PPOX: variants seen among roughly 807,000 people sequenced by gnomAD.
The protein encoded by PPOX is protoporphyrinogen oxidase, also known as variegate porphyria.
A neutral mutation model predicts 54.1 loss-of-function variants in PPOX; 23 were observed. The ratio of observed to expected loss-of-function variants is 0.43; its 90% CI spans 0.31 to 0.60. PPOX has a LOEUF of 0.60. Ranked by LOEUF, PPOX falls within the 20% of genes least tolerant of loss-of-function variation. The probability of loss-of-function intolerance (pLI) is 0.13; values close to 1 mark genes in which losing one functional copy is unlikely to be tolerated. For synonymous variants in PPOX, 224 were observed against 236.1 expected (o/e 0.95, Z 0.47); for missense variants, 512 against 601.1 (o/e 0.85, Z 1.55).
chr1:161,169,401 T>C (rs1660321137), intron 7 of PPOX: 1 of 702,596 alleles, frequency 1.4e-6, no homozygotes, highest in South Asian at 1.8e-5. Context: ...TATAAGTGGC[T>C]TAGAGATAGG....
chr1:161,174,416 A>AG (rs1487824672), downstream of PPOX, among the ~76,000 whole-genome samples: 3 of 151,990 alleles, frequency 2.0e-5, no homozygotes, highest in East Asian at 5.8e-4. Flanking sequence ...AAAAAAAAAA[A>AG]AGAAAAAAAA....
At chr1:161,171,649 A>T, downstream of PPOX, 1 of 940,554 alleles carries the variant, frequency 1.1e-6, no homozygotes, top group Non-Finnish European at 1.6e-6. Context: ...CCTCAGGTCT[A>T]CAGGAGCCCA....
At chr1:161,167,859 G>T (rs1036430099) in intron 4 of PPOX, 136 bp from the exon 5 acceptor site, 7 of 1,437,330 alleles carry the variant, frequency 4.9e-6, no homozygotes, top group East Asian at 2.3e-5. Flanking sequence ...CACCACGCCC[G>T]ACCTGCCTTC....
downstream of PPOX, among the ~76,000 whole-genome samples, chr1:161,174,393 G>C (rs750639917): frequency 2.7e-5 from 4 of 147,618 alleles, no homozygotes; most frequent in African/African-American, 1.0e-4. Flanking sequence ...GGGGGACAGA[G>C]TGAGATCTCA....
At chr1:161,173,188 C>G (rs907128424), downstream of PPOX, among the ~76,000 whole-genome samples, 4 of 152,152 alleles carry the variant, frequency 2.6e-5, no homozygotes, top group Admixed American at 6.5e-5. Flanking sequence ...GTTTCACATG[C>G]TAAAAATGAG....
downstream of PPOX, among the ~76,000 whole-genome samples, chr1:161,174,402 C>CAAAAAAAAAA (rs554703903): frequency 1.8e-5 from 1 of 55,780 alleles, no homozygotes. Context: ...AGTGAGATCT[C>CAAAAAAAAAA]AAAAAAAAAA....
upstream of PPOX, chr1:161,166,323 G>T: frequency 9.7e-7 from 1 of 1,028,736 alleles, no homozygotes; most frequent in African/African-American, 1.7e-5. Flanking sequence ...CTCCGCCTCT[G>T]CCAGTTCAAT....
chr1:161,168,563 G>C lies in PPOX; in HGVS notation c.603G>C (p.Leu201=), dbSNP rs183008486. 3.7e-6 allele frequency: 6 copies of C among 1,614,146 alleles called. No homozygotes were observed. The African/African-American group carries it at 8.0e-5, about 22-fold the overall frequency. The change falls in exon 6 of 13, where the codon CTG becomes CTC. Residue 201 remains leucine (L), a synonymous_variant. Transcript: ENST00000367999. ...CCCATCGTTCCATATTACTGGGCCT[G>C]CTGCTGGGGGCAGGTGAGGGGGGAT... is the stretch of plus-strand genomic sequence containing the variant. ...EQTHRSILLG[L]LLGAGRTPQP... is the part of the protein sequence containing the mutation.
At chr1:161,167,917 G>A in intron 4 of PPOX, 78 bp from the exon 5 acceptor site, 2 of 1,607,198 alleles carry the variant, frequency 1.2e-6, no homozygotes, top group Non-Finnish European at 8.5e-7. Context: ...GAAGCCAAAT[G>A]AGTGGAAATG....
chr1:161,172,022 A>C, downstream of PPOX: 1 of 1,614,208 alleles, frequency 6.2e-7, no homozygotes, highest in Non-Finnish European at 8.5e-7. Context: ...CGAGCCAGCA[A>C]CTGGTATGTC....
chr1:161,168,468 G>A lies in PPOX; in HGVS notation c.508G>A (p.Val170Met). The A allele has an allele frequency of 1.9e-6, 3 of 1,614,192 alleles. No homozygotes were observed. Among genetic ancestry groups the A allele is most frequent in the South Asian group, 1.1e-5 (1 of 91,084 alleles). Residue 170 changes from valine to methionine, a missense_variant, in exon 6 of 13, where the codon GTG becomes ATG. Coordinates refer to ENST00000367999, the MANE Select transcript of PPOX (RefSeq NM_001122764.3). ...SLAMDSLCRG[V>M]FAGNSRELSI... ...AGCCATGGACAGTCTCTGCCGTGGA[G>A]TGTTTGCAGGCAACAGCCGTGAGCT...
rs771307571 is a variant in PPOX, at chr1:161,168,050, A to T, written c.394A>T (p.Arg132Trp). 10 of 1,613,926 alleles carry T rather than the reference A, an allele frequency of 6.2e-6. No homozygotes were observed. The highest frequency in any genetic ancestry group is 4.5e-5 in the East Asian group (2 of 44,876). ...FSKPLFWAGL[R>W]ELTKPRGKEP... ...CAAACCTCTGTTTTGGGCTGGGCTG[A>T]GGGAGCTGACCAAGCCCCGGGGCAA... The change falls in exon 5 of 13, where the codon AGG becomes TGG. Residue 132 changes from arginine (R) to tryptophan (W), a missense_variant. Physicochemically the swap from Arg to Trp is moderately radical, Grantham distance 101. Transcript: ENST00000367999.
chr1:161,166,791 G>T (rs1659064762), intron 1 of PPOX, 49 bp from the exon 2 acceptor site: 1 of 1,604,350 alleles, frequency 6.2e-7, no homozygotes, highest in Non-Finnish European at 8.5e-7. Flanking sequence ...GGCTTCTGGA[G>T]CGCAGGTTGT....
downstream of PPOX, among the ~76,000 whole-genome samples, chr1:161,174,402 CA>C (rs554703903): frequency 0.022 from 1,237 of 55,732 alleles, 9 homozygotes; most frequent in African/African-American, 0.065. Context: ...AGTGAGATCT[CA>C]AAAAAAAAAA....
chr1:161,177,603 G>A (rs74124653), downstream of PPOX: 688 of 159,086 alleles, frequency 4.3e-3, 8 homozygotes, highest in African/African-American at 0.016. Flanking sequence ...GGGCTTGTGA[G>A]GGAGCAGCGC....
downstream of PPOX, chr1:161,171,754 G>C (rs1661505777): frequency 2.5e-6 from 4 of 1,578,220 alleles, no homozygotes; most frequent in East Asian, 2.2e-5. Context: ...GAGGAGCTGA[G>C]GGTGGGGAGA....
chr1:161,167,270 G>T (rs1659317772), intron 3 of PPOX, 36 bp downstream of exon 3: 4 of 1,614,166 alleles, frequency 2.5e-6, no homozygotes, highest in Admixed American at 1.7e-5. Context: ...AGAGGTTGTG[G>T]AGGGGGCTTC....
In PPOX at chr1:161,166,895, C is replaced by T. The variant is rs1378914466; in HGVS notation, c.48C>T (p.Ala16=). The T allele has an allele frequency of 3.1e-6, 5 of 1,613,742 alleles. No homozygotes were observed. Among genetic ancestry groups the T allele is most frequent in the Non-Finnish European group, 4.2e-6 (5 of 1,180,016 alleles). Residue 16 remains alanine (A), a synonymous_variant, in exon 2 of 13, where the codon GCC becomes GCT. Coordinates refer to ENST00000367999, the MANE Select transcript of PPOX (RefSeq NM_001122764.3). ...TGGGCGGAGGCATCAGCGGCTTGGC[C>T]GCCAGTTACCACCTGAGCCGGGCCC... ...VVLGGGISGL[A]ASYHLSRAPC...
chr1:161,173,564 C>A, downstream of PPOX: 1 of 1,612,410 alleles, frequency 6.2e-7, no homozygotes, highest in Non-Finnish European at 8.5e-7. Flanking sequence ...GACAGGGATC[C>A]AGACTGGGGT....
Sources: allele counts gnomAD v4.1 joint callset (sites outside exome capture counted in the v4.1 genomes callset), GRCh38; gene constraint gnomAD v4.1.1; transcripts MANE v1.5; gene names NCBI Gene and HGNC (gene_info 2026-07-23, HGNC 2026-07-21).